Variants in PPP1R12A observed in about 807,000 individuals in gnomAD.
The protein encoded by PPP1R12A is protein phosphatase 1 regulatory subunit 12A, also known as myosin binding subunit.
In PPP1R12A, 19 loss-of-function variants were observed where a neutral mutation model predicts 139.6. The observed-to-expected ratio is 0.14, with a 90% confidence interval of 0.09 to 0.20. PPP1R12A has a LOEUF of 0.20. Among genes scored for constraint, PPP1R12A ranks in the 10% least tolerant of loss-of-function variants. The probability of loss-of-function intolerance (pLI) is 1.00; values close to 1 mark genes in which losing one functional copy is unlikely to be tolerated. For synonymous variants in PPP1R12A, 427 were observed against 420.6 expected (o/e 1.02, Z -0.19); for missense variants, 925 against 1,211.5 (o/e 0.76, Z 3.51).
At chr12:79,878,592 G>C (rs1355793682) in intron 1 of PPP1R12A, among the ~76,000 whole-genome samples, 24 of 152,178 alleles carry the variant, frequency 1.6e-4, no homozygotes, top group East Asian at 1.9e-4. Flanking sequence ...AAAGAGGTTT[G>C]ACTCACAGTT....
At chr12:79,906,367 AT>A (rs1289878988) in intron 1 of PPP1R12A, among the ~76,000 whole-genome samples, 1 of 152,152 alleles carries the variant, frequency 6.6e-6, no homozygotes, top group Non-Finnish European at 1.5e-5. Flanking sequence ...ACACAAACAC[AT>A]AAAAATTAGG....
chr12:79,931,616 AAATAGAGATAT>A (rs1435407600), intron 1 of PPP1R12A, among the ~76,000 whole-genome samples: 1 of 152,228 alleles, frequency 6.6e-6, no homozygotes, highest in Non-Finnish European at 1.5e-5. Context: ...AAATATGCTA[AAATAGAGATAT>A]AATCACATAC....
chr12:79,859,533 A>G (rs1032275591), intron 2 of PPP1R12A, among the ~76,000 whole-genome samples: 1 of 152,128 alleles, frequency 6.6e-6, no homozygotes, highest in Non-Finnish European at 1.5e-5. Flanking sequence ...GTCGCCACAC[A>G]TATTTCAAAG....
At chr12:79,823,946 G>C (rs1018916131) in intron 5 of PPP1R12A, 1 of 152,142 alleles carries the variant, frequency 6.6e-6, no homozygotes, top group African/African-American at 2.4e-5. Context: ...AGGTGAGTAT[G>C]TATATAAATT....
Position 79,797,297 on chromosome 12 carries a change from CTCTTTT to C in PPP1R12A, c.2184_2189del (p.Lys729_Glu730del), listed in dbSNP as rs760754623. On this transcript the variant is annotated inframe_deletion, in exon 16 of 25. Transcript: ENST00000450142. Reference sequence around the variant, plus strand: ...TCTCTTTATCTTGTTTCTCTTTTTCCTCTTTTTCTTTTTCTTCATTTTCTTGTTCTC... The same window carrying C: ...TCTCTTTATCTTGTTTCTCTTTTTCCTCTTTTTCTTCATTTTCTTGTTCTC... The C allele has an allele frequency of 1.1e-4, 179 of 1,590,600 alleles. No individual in the cohort carries two copies. Among genetic ancestry groups the C allele is most frequent in the Non-Finnish European group, 1.4e-4 (158 of 1,167,066 alleles).
At chr12:79,878,246 T>C (rs1394342054) in intron 1 of PPP1R12A, 1 of 151,806 alleles carries the variant, frequency 6.6e-6, no homozygotes, top group African/African-American at 2.4e-5. Flanking sequence ...GAGACTACTA[T>C]GTATCACTTA....
chr12:79,874,392 C>A (rs773840224), intron 1 of PPP1R12A, among the ~76,000 whole-genome samples: 1 of 151,680 alleles, frequency 6.6e-6, no homozygotes, highest in African/African-American at 2.4e-5. Flanking sequence ...GGGTAAATCG[C>A]TATTATTTTT....
intron 1 of PPP1R12A, among the ~76,000 whole-genome samples, chr12:79,893,377 G>A (rs747318550): frequency 3.3e-5 from 5 of 151,920 alleles, no homozygotes; most frequent in Admixed American, 6.6e-5. Context: ...TTATCTACTC[G>A]TATGTACTAT....
chr12:79,933,433 C>A (rs11114271), intron 1 of PPP1R12A, among the ~76,000 whole-genome samples: 5,792 of 152,140 alleles, frequency 0.038, 423 homozygotes, highest in East Asian at 0.29. Context: ...AAATATAAAG[C>A]CTTGAGTTTC....
chr12:79,893,123 A>G (rs972799999), intron 1 of PPP1R12A, among the ~76,000 whole-genome samples: 1 of 151,588 alleles, frequency 6.6e-6, no homozygotes, highest in Non-Finnish European at 1.5e-5. Context: ...AAAAAAAAGT[A>G]ATTAACTACA....
chr12:79,793,437 G>T (rs1872134634), intron 19 of PPP1R12A, among the ~76,000 whole-genome samples: 1 of 152,176 alleles, frequency 6.6e-6, no homozygotes, highest in Admixed American at 6.5e-5. Flanking sequence ...AAAATCTACA[G>T]AAATAAAATC....
chr12:79,790,361 T>C, intron 20 of PPP1R12A, 106 bp downstream of exon 20: 1 of 829,380 alleles, frequency 1.2e-6, no homozygotes, highest in East Asian at 2.9e-5. Context: ...TTTTTTATTA[T>C]CAAATAATTC....
At chr12:79,821,480 C>G (rs1384281036) in intron 6 of PPP1R12A, among the ~76,000 whole-genome samples, 1 of 152,128 alleles carries the variant, frequency 6.6e-6, no homozygotes, top group East Asian at 1.9e-4. Context: ...TGGCTGGGCG[C>G]AGTGGCTCAC....
chr12:79,782,464 T>G, intron 22 of PPP1R12A: 1 of 389,790 alleles, frequency 2.6e-6, no homozygotes, highest in Middle Eastern at 3.6e-4. Context: ...GCTCAGGCCT[T>G]TCATTTTTTC....
chr12:79,851,032 A>G (rs553015385), intron 2 of PPP1R12A, among the ~76,000 whole-genome samples: 1 of 152,320 alleles, frequency 6.6e-6, no homozygotes, highest in Admixed American at 6.5e-5. Context: ...GGACTAATAC[A>G]TTATTGTAGA....
intron 1 of PPP1R12A, among the ~76,000 whole-genome samples, chr12:79,891,907 T>C (rs538741445): frequency 6.6e-6 from 1 of 152,274 alleles, no homozygotes; most frequent in African/African-American, 2.4e-5. Context: ...AGCCTTCAGA[T>C]GAGATGGCAG....
intron 1 of PPP1R12A, among the ~76,000 whole-genome samples, chr12:79,917,145 A>T (rs1399926654): frequency 1.3e-5 from 2 of 152,186 alleles, no homozygotes; most frequent in Non-Finnish European, 2.9e-5. Context: ...ACTGGCTCTA[A>T]ATGTCAAGGA....
chr12:79,837,733 A>G (rs1356140454), intron 3 of PPP1R12A, among the ~76,000 whole-genome samples: 1 of 152,128 alleles, frequency 6.6e-6, no homozygotes, highest in Non-Finnish European at 1.5e-5. Context: ...CTCTTTGTTC[A>G]GCATGTCTCT....
chr12:79,782,725 T>TTTGCTGAAAATGAATTCCTCAAAAGCCAA (rs1237744586), intron 22 of PPP1R12A: 2 of 276,730 alleles, frequency 7.2e-6, no homozygotes, highest in Admixed American at 9.4e-5. Flanking sequence ...TCCTGGTCAA[T>TTTGCTGAAAATGAATTCCTCAAAAGCCAA]TTGCTGAAAA....
Sources: allele counts gnomAD v4.1 joint callset (sites outside exome capture counted in the v4.1 genomes callset), GRCh38; gene constraint gnomAD v4.1.1; transcripts MANE v1.5; gene names NCBI Gene and HGNC (gene_info 2026-07-23, HGNC 2026-07-21).